Variants in ADRA1A observed in about 807,000 individuals in gnomAD.
ADRA1A encodes alpha-1A adrenergic receptor.
A neutral mutation model predicts 29.6 loss-of-function variants in ADRA1A; 31 were observed. The observed-to-expected ratio is 1.05, with a 90% confidence interval of 0.79 to 1.41. The LOEUF is 1.41. Among genes scored for constraint, ADRA1A ranks in the 40% most tolerant of loss-of-function variants. The probability of loss-of-function intolerance (pLI) is 0.00; values close to 1 mark genes in which losing one functional copy is unlikely to be tolerated. For synonymous variants in ADRA1A, 311 were observed against 254.3 expected (o/e 1.22, Z -2.12); for missense variants, 619 against 601.1 (o/e 1.03, Z -0.31).
chr8:26,759,659 C>T (rs1459668488), intron 2 of ADRA1A, among the ~76,000 whole-genome samples: 1 of 152,194 alleles, frequency 6.6e-6, no homozygotes, highest in Non-Finnish European at 1.5e-5. Context: ...CGATGCTCAG[C>T]TTTTGATTAA....
downstream of ADRA1A, among the ~76,000 whole-genome samples, chr8:26,761,766 G>C (rs1009522857): frequency 6.6e-6 from 1 of 152,228 alleles, no homozygotes; most frequent in Non-Finnish European, 1.5e-5. Flanking sequence ...ATCTGCAAAT[G>C]CAGGAGCATA....
chr8:26,769,705 C>T lies in ADRA1A; in HGVS notation c.*444G>A, dbSNP rs564742930. 3.0e-6 allele frequency: 3 copies of T among 988,164 alleles called. No individual in the cohort carries two copies. Among genetic ancestry groups the T allele is most frequent in the Non-Finnish European group, 3.6e-6 (3 of 831,884 alleles). 61.2% of individuals were successfully genotyped at this position (988,164 alleles called of 1,614,324 possible). On this transcript the variant is annotated 3_prime_UTR_variant, in exon 3 of 3. Coordinates refer to ENST00000380573, the MANE Select transcript of ADRA1A (RefSeq NM_000680.4). ...GCTCTTCCTCTCTAGGCCCTCTCCC[C>T]ATAAATGTCAAATGTGGCTGTCAGT...
At chr8:26,756,614 G>A in exon 3 of ADRA1A, 1 of 1,564,130 alleles carries the variant, frequency 6.4e-7, no homozygotes. Flanking sequence ...ATGGATGCTT[G>A]ATAAAGAAGT....
At chr8:26,851,618 G>A (rs1812636795) in intron 2 of ADRA1A, among the ~76,000 whole-genome samples, 2 of 152,080 alleles carry the variant, frequency 1.3e-5, no homozygotes, top group Admixed American at 6.5e-5. Flanking sequence ...AATAAAAATA[G>A]ATTAGAGATT....
chr8:26,854,423 C>CGA (rs1554512941), intron 2 of ADRA1A: 1 of 26,780 alleles, frequency 3.7e-5, no homozygotes, highest in African/African-American at 1.4e-4. Flanking sequence ...TAAAGCGGGG[C>CGA]GGGGGGGGGG....
intron 2 of ADRA1A, among the ~76,000 whole-genome samples, chr8:26,807,040 G>C (rs1809048286): frequency 6.6e-6 from 1 of 152,218 alleles, no homozygotes; most frequent in Non-Finnish European, 1.5e-5. Flanking sequence ...TAAAATTCCA[G>C]TAACTCTTGG....
chr8:26,788,574 C>T (rs1365947302), intron 2 of ADRA1A, among the ~76,000 whole-genome samples: 1 of 152,116 alleles, frequency 6.6e-6, no homozygotes, highest in Non-Finnish European at 1.5e-5. Context: ...TTCAACTGTC[C>T]AGCAATGTGC....
intron 2 of ADRA1A, among the ~76,000 whole-genome samples, chr8:26,857,148 T>G (rs1813108278): frequency 6.6e-6 from 1 of 152,174 alleles, no homozygotes; most frequent in South Asian, 2.1e-4. Flanking sequence ...TCACAGTTTC[T>G]GCCTTGACTT....
At chr8:26,757,841 T>A (rs1805274588) in intron 2 of ADRA1A, among the ~76,000 whole-genome samples, 1 of 133,322 alleles carries the variant, frequency 7.5e-6, no homozygotes, top group Non-Finnish European at 1.6e-5. Context: ...TCCCATAACA[T>A]CATTTATATA....
At chr8:26,820,640 T>C (rs1458794165) in intron 2 of ADRA1A, among the ~76,000 whole-genome samples, 1 of 152,118 alleles carries the variant, frequency 6.6e-6, no homozygotes, top group Non-Finnish European at 1.5e-5. Flanking sequence ...TACAAATCCA[T>C]GTATTTGTGG....
intron 2 of ADRA1A, among the ~76,000 whole-genome samples, chr8:26,804,377 T>C (rs891682430): frequency 1.3e-5 from 2 of 152,160 alleles, no homozygotes; most frequent in Non-Finnish European, 2.9e-5. Context: ...TTCATCGATA[T>C]GTGAAAGTAT....
rs969965916 is a variant in ADRA1A at position 26,787,600 on chromosome 8, G to A, written c.884-16934C>T. On this transcript the variant is annotated intron_variant, in intron 2 of 2. Coordinates refer to ENST00000380573, the MANE Select transcript of ADRA1A (RefSeq NM_000680.4). The surrounding 1 kb of genome is among the most constrained non-coding windows in gnomAD (Gnocchi z 4.2). The stretch of plus-strand genomic sequence containing the variant: ...ATGGAGAGAAGGGAAAAGTGAAGGA[G>A]AGATGATAACAGAAATAGTTACCAT... 3.3e-5 allele frequency among the ~76,000 whole-genome samples: 5 copies of A among 151,912 alleles called. No individual in the cohort carries two copies. The highest frequency in any genetic ancestry group is 7.4e-5 in the Non-Finnish European group (5 of 67,998).
intron 2 of ADRA1A, among the ~76,000 whole-genome samples, chr8:26,751,025 T>C (rs10105967): frequency 0.087 from 13,115 of 150,176 alleles, 648 homozygotes; most frequent in African/African-American, 0.13. Flanking sequence ...GCCGAGATTG[T>C]GCTATTGCAC....
At chr8:26,760,618 C>T (rs1252055839) in intron 2 of ADRA1A, among the ~76,000 whole-genome samples, 1 of 152,176 alleles carries the variant, frequency 6.6e-6, no homozygotes, top group Non-Finnish European at 1.5e-5. Context: ...GATCACAGGG[C>T]TCTCATGTGG....
intron 2 of ADRA1A, chr8:26,779,191 C>A (rs1162156885): frequency 1.5e-6 from 1 of 645,502 alleles, no homozygotes; most frequent in Non-Finnish European, 2.8e-6. Flanking sequence ...CACTGTAGTG[C>A]AAGATGGGAG....
rs137857197 is a variant in ADRA1A at position 26,800,991 on chromosome 8, G to C, written c.884-30325C>G. Among the ~76,000 whole-genome samples the C allele has an allele frequency of 2.6e-5, 4 of 152,186 alleles. No homozygotes were observed. In the East Asian group the frequency reaches 7.7e-4, roughly 29 times the overall value. On this transcript the variant is annotated intron_variant, in intron 2 of 2. Coordinates refer to ENST00000380573, the MANE Select transcript of ADRA1A (RefSeq NM_000680.4). ...GTTCAACATATTCATATCAATCAGT[G>C]TGATACAGCATATCAATAGAATGAA...
rs145465951 is a variant in ADRA1A at position 26,864,244 on chromosome 8, C to G, written c.726G>C (p.Pro242=). Residue 242 remains proline, a synonymous_variant, in exon 2 of 3, where the codon CCG becomes CCC. Coordinates refer to ENST00000380573, the MANE Select transcript of ADRA1A (RefSeq NM_000680.4). The surrounding 1 kb of genome is among the most constrained non-coding windows in gnomAD (Gnocchi z 8.1). ...VTLRIHRKNA[P]AGGSGMASAK... ...CGCTGGCCATCCCGCTGCCTCCTGCCGGGGCGTTTTTCCGATGGATGCGGA... is the reference window on the plus strand; with the variant it reads ...CGCTGGCCATCCCGCTGCCTCCTGCGGGGGCGTTTTTCCGATGGATGCGGA... 1.2e-6 allele frequency: 2 copies of G among 1,614,196 alleles called. No homozygotes were observed. The highest frequency in any genetic ancestry group is 1.7e-5 in the Admixed American group (1 of 60,032).
At chr8:26,762,669 G>C (rs543826758), downstream of ADRA1A, among the ~76,000 whole-genome samples, 1 of 152,282 alleles carries the variant, frequency 6.6e-6, no homozygotes, top group South Asian at 2.1e-4. This position sits in a 1 kb window ranked among gnomAD's most constrained non-coding sequence, Gnocchi z 4.0. Context: ...AAGAAGGGAA[G>C]GGAGGGAAAG....
At chr8:26,766,115 C>G, downstream of ADRA1A, 1 of 1,613,342 alleles carries the variant, frequency 6.2e-7, no homozygotes. Flanking sequence ...ATGCTCTCTG[C>G]AATTCTTGGT....
Sources: gnomAD v4.1 joint callset for allele counts (sites outside exome capture counted in the v4.1 genomes callset) on GRCh38, gnomAD v4.1.1 for gene constraint, Gnocchi (gnomAD v3.1) non-coding constraint, MANE v1.5 for transcripts, NCBI Gene and HGNC (gene_info 2026-07-23, HGNC 2026-07-21) for gene names.